The following NFX1 variants were observed in gnomAD, a reference collection of about 807,000 sequenced individuals.
NFX1 encodes nuclear transcription factor, X-box binding 1.
NFX1 carries 69 observed loss-of-function variants against 137.2 expected under a neutral mutation model. The ratio of observed to expected loss-of-function variants is 0.50; its 90% CI spans 0.41 to 0.61. The LOEUF is 0.61. Ranked by LOEUF, NFX1 falls within the 20% of genes least tolerant of loss-of-function variation. The probability of loss-of-function intolerance (pLI) is 0.00; values close to 1 mark genes in which losing one functional copy is unlikely to be tolerated. For synonymous variants in NFX1, 495 were observed against 474.1 expected (o/e 1.04, Z -0.57); for missense variants, 1,167 against 1,391.0 (o/e 0.84, Z 2.56).
At chr9:33,368,216 CAGAG>C (rs2118712424) in intron 23 of NFX1, among the ~76,000 whole-genome samples, 1 of 151,916 alleles carries the variant, frequency 6.6e-6, no homozygotes, top group African/African-American at 2.4e-5. Context: ...CCCTGGGCGA[CAGAG>C]AGACAGACTC....
chr9:33,348,909 G>T (rs924121133), intron 15 of NFX1, among the ~76,000 whole-genome samples: 3 of 151,892 alleles, frequency 2.0e-5, no homozygotes, highest in Non-Finnish European at 2.9e-5. Context: ...TTTGTAACCT[G>T]CTTTTTTTGC....
At chr9:33,367,761 G>T in intron 23 of NFX1, 142 bp downstream of exon 23, 1 of 698,164 alleles carries the variant, frequency 1.4e-6, no homozygotes, top group Non-Finnish European at 2.4e-6. Flanking sequence ...GTAATGTTTA[G>T]TTAGGGTATC....
intron 2 of NFX1, 130 bp downstream of exon 2, chr9:33,295,557 C>A: frequency 9.2e-7 from 1 of 1,089,296 alleles, no homozygotes; most frequent in Non-Finnish European, 1.3e-6. Flanking sequence ...AATCTTTATT[C>A]ACTGTCTGCC....
intron 16 of NFX1, chr9:33,352,386 A>G: frequency 3.4e-6 from 2 of 584,344 alleles, no homozygotes; most frequent in Non-Finnish European, 3.2e-6. Context: ...TACAAACTTC[A>G]TCCTAGGCCT....
At chr9:33,321,152 C>G (rs1387132920) in intron 9 of NFX1, among the ~76,000 whole-genome samples, 1 of 152,076 alleles carries the variant, frequency 6.6e-6, no homozygotes, top group Non-Finnish European at 1.5e-5. Context: ...CTCATGTATC[C>G]TGTTGGTGAT....
intron 15 of NFX1, 59 bp downstream of exon 15, chr9:33,347,176 T>C: frequency 2.3e-6 from 3 of 1,277,148 alleles, no homozygotes; most frequent in Non-Finnish European, 3.4e-6. Flanking sequence ...TTTTATTACT[T>C]AAGAATTGTT....
In NFX1 at chr9:33,334,094, G is replaced by A. The variant is rs905334395; in HGVS notation, c.2035+1592G>A. ...CAGGAGACAGAGGTTGCAGTGAACT[G>A]AGATCACACCATTGCTCTCCAGCCT... On this transcript the variant is annotated intron_variant, in intron 11 of 23. Transcript: ENST00000379540. Among the ~76,000 whole-genome samples the A allele has an allele frequency of 7.9e-5, 12 of 152,304 alleles. No homozygotes were observed. The South Asian group carries it at 2.3e-3, about 29-fold the overall frequency.
At chr9:33,317,046 T>A (rs943612478) in intron 7 of NFX1, among the ~76,000 whole-genome samples, 3 of 152,190 alleles carry the variant, frequency 2.0e-5, no homozygotes, top group South Asian at 4.1e-4. Flanking sequence ...TACAAATATT[T>A]ATTGTGTTTT....
chr9:33,300,034 TTCA>T lies in NFX1; in HGVS notation c.1034-1226_1034-1224del, dbSNP rs1227553067. ...GATCTAACTACATGAAGCCAGTTTC[TTCA>T]TCTGTAAAATGGTACCTATGTTATA... On this transcript the variant is annotated intron_variant, in intron 2 of 23. Transcript: ENST00000379540. Among the ~76,000 whole-genome samples, 3 of 152,028 alleles carry T rather than the reference TTCA, an allele frequency of 2.0e-5. No individual in the cohort carries two copies. In the South Asian group the frequency reaches 6.2e-4, roughly 32 times the overall value.
Position 33,319,116 on chromosome 9 carries a change from G to A in NFX1, c.1895G>A (p.Cys632Tyr), listed in dbSNP as rs142903858. ...AAAGTGTGCGGCAAGCCTCTGCCTTGTGGTTCCTTAGGTAACTAGTAAGCG... is the reference window on the plus strand; with the variant it reads ...AAAGTGTGCGGCAAGCCTCTGCCTTATGGTTCCTTAGGTAACTAGTAAGCG... Reference protein sequence around the residue: ...CGKVCGKPLPCGSLDFIHTCE... With the variant: ...CGKVCGKPLPYGSLDFIHTCE... The change falls in exon 9 of 24, where the codon TGT becomes TAT. Residue 632 changes from cysteine to tyrosine, a missense_variant. By Grantham distance (194) the Cys-to-Tyr change is radical (BLOSUM62 -2). Coordinates refer to ENST00000379540, the MANE Select transcript of NFX1 (RefSeq NM_002504.6). The A allele has an allele frequency of 6.2e-6, 10 of 1,614,072 alleles. No homozygotes were observed. Among genetic ancestry groups the A allele is most frequent in the Non-Finnish European group, 8.5e-6 (10 of 1,180,032 alleles).
intron 4 of NFX1, among the ~76,000 whole-genome samples, chr9:33,305,752 G>T (rs1244438391): frequency 6.6e-6 from 1 of 152,190 alleles, no homozygotes; most frequent in African/African-American, 2.4e-5. Context: ...AAGGAAAAGG[G>T]CAGGTCAAAA....
In NFX1 at chr9:33,311,157, A is replaced by G. The variant is rs757392035; in HGVS notation, c.1428A>G (p.Thr476=). 9.3e-6 allele frequency: 15 copies of G among 1,614,186 alleles called. No homozygotes were observed. The highest frequency in any genetic ancestry group is 1.2e-5 in the Non-Finnish European group (14 of 1,180,014). The change falls in exon 6 of 24, where the codon ACA becomes ACG. Residue 476 remains threonine (T), a synonymous_variant. Transcript: ENST00000379540. ...CPPCPAFMTK[T]CECGRTRHTV... ...CCTGCCCTGCCTTTATGACAAAAAC[A>G]TGTGAATGTGGACGAACCAGGTAAA...
intron 9 of NFX1, among the ~76,000 whole-genome samples, chr9:33,320,140 A>G (rs1234029439): frequency 6.8e-6 from 1 of 147,476 alleles, no homozygotes; most frequent in Non-Finnish European, 1.5e-5. Context: ...TTTTTTTTGT[A>G]TTTTTGTAGA....
chr9:33,306,990 T>C (rs1219733657), intron 4 of NFX1, among the ~76,000 whole-genome samples: 2 of 152,248 alleles, frequency 1.3e-5, no homozygotes, highest in Non-Finnish European at 2.9e-5. Flanking sequence ...TAATCCAAGA[T>C]TTAAGATTTA....
chr9:33,314,033 G>T (rs1362547743), intron 7 of NFX1, among the ~76,000 whole-genome samples: 5 of 152,018 alleles, frequency 3.3e-5, no homozygotes, highest in Admixed American at 1.3e-4. Context: ...GCCCAGGCTG[G>T]AGTGCAGTGG....
intron 1 of NFX1, among the ~76,000 whole-genome samples, chr9:33,292,553 T>G (rs1266102699): frequency 6.6e-6 from 1 of 152,242 alleles, no homozygotes; most frequent in Non-Finnish European, 1.5e-5. Context: ...TCCAGCTACT[T>G]GAAATAGTGA....
intron 4 of NFX1, 131 bp downstream of exon 4, chr9:33,303,399 G>C: frequency 1.4e-6 from 1 of 722,894 alleles, no homozygotes; most frequent in Non-Finnish European, 2.3e-6. Flanking sequence ...CTATAAGACT[G>C]TAATTATGTG....
At chr9:33,333,026 G>T (rs1587850229) in intron 11 of NFX1, among the ~76,000 whole-genome samples, 1 of 152,074 alleles carries the variant, frequency 6.6e-6, no homozygotes, top group African/African-American at 2.4e-5. Flanking sequence ...TTGTATTTTT[G>T]GTAGAGACGG....
chr9:33,355,844 C>T (rs1823793032), intron 19 of NFX1, among the ~76,000 whole-genome samples: 1 of 151,934 alleles, frequency 6.6e-6, no homozygotes, highest in Admixed American at 6.6e-5. Flanking sequence ...GGGGTTTCAC[C>T]ATGTTGGCCA....
Sources: gnomAD v4.1 joint callset for allele counts (sites outside exome capture counted in the v4.1 genomes callset) on GRCh38, gnomAD v4.1.1 for gene constraint, MANE v1.5 for transcripts, NCBI Gene and HGNC (gene_info 2026-07-23, HGNC 2026-07-21) for gene names.